The following ARHGAP6 variants were observed in gnomAD, a reference collection of about 807,000 sequenced individuals.
ARHGAP6 encodes rho GTPase-activating protein 6.
A neutral mutation model predicts 55.7 loss-of-function variants in ARHGAP6; 16 were observed. The observed-to-expected ratio is 0.29, with a 90% CI of 0.19 to 0.44. The LOEUF (loss-of-function observed/expected upper bound fraction) is 0.44. Ranked by LOEUF, ARHGAP6 falls within the 20% of genes least tolerant of loss-of-function variation. The probability of loss-of-function intolerance (pLI) is 1.00; values close to 1 mark genes in which losing one functional copy is unlikely to be tolerated. For missense variants in ARHGAP6, 698 were observed against 808.9 expected (o/e 0.86, Z 1.66); for synonymous variants, 382 against 360.9 (o/e 1.06, Z -0.66).
At chrX:11,487,148 G>A (rs1008312556) in intron 1 of ARHGAP6, among the ~76,000 whole-genome samples, 9 of 112,422 alleles carry the variant, frequency 8.0e-5, no homozygotes, top group African/African-American at 2.9e-4. Flanking sequence ...GATAGATACA[G>A]AAGTAAATAC....
chrX:11,543,518 A>C (rs966504771), intron 1 of ARHGAP6, among the ~76,000 whole-genome samples: 1 of 112,147 alleles, frequency 8.9e-6, no homozygotes, highest in Non-Finnish European at 1.9e-5. Context: ...CACCACAAAG[A>C]ATTATCCAGT....
At chrX:11,656,355 T>C (rs766736989) in intron 1 of ARHGAP6, among the ~76,000 whole-genome samples, 17 of 112,355 alleles carry the variant, frequency 1.5e-4, no homozygotes, top group Admixed American at 4.7e-4. Context: ...CCAGACCTGT[T>C]TATGCCTTGT....
intron 1 of ARHGAP6, among the ~76,000 whole-genome samples, chrX:11,276,582 T>G (rs891052928): frequency 1.6e-4 from 18 of 111,731 alleles, no homozygotes; most frequent in Non-Finnish European, 9.4e-5. Flanking sequence ...AAAGGGAAAA[T>G]TGAAAAGGGA....
At chrX:11,215,370 C>A (rs2046866377) in intron 2 of ARHGAP6, among the ~76,000 whole-genome samples, 3 of 112,852 alleles carry the variant, frequency 2.7e-5, no homozygotes, top group African/African-American at 9.6e-5. Context: ...CGCGAGGATC[C>A]CCCAGAGGCC....
intron 1 of ARHGAP6, among the ~76,000 whole-genome samples, chrX:11,574,062 C>T (rs2051565715): frequency 1.8e-5 from 2 of 111,399 alleles, no homozygotes; most frequent in South Asian, 7.6e-4. Flanking sequence ...ATAACAGGAT[C>T]TGAAATTGTG....
At chrX:11,241,497 C>T (rs1398646437) in intron 2 of ARHGAP6, among the ~76,000 whole-genome samples, 1 of 108,574 alleles carries the variant, frequency 9.2e-6, no homozygotes, top group African/African-American at 3.4e-5. Context: ...TATTCAAGCC[C>T]AAACTGGTCC....
At chrX:11,605,110 G>A (rs1440230910) in intron 1 of ARHGAP6, among the ~76,000 whole-genome samples, 2 of 111,728 alleles carry the variant, frequency 1.8e-5, no homozygotes, top group Non-Finnish European at 3.8e-5. Flanking sequence ...ACAGAGGGAG[G>A]AGATAAGAGT....
chrX:11,315,169 G>A (rs1327874187), intron 1 of ARHGAP6, among the ~76,000 whole-genome samples: 2 of 112,451 alleles, frequency 1.8e-5, no homozygotes, highest in African/African-American at 3.2e-5. Context: ...CCATAGCTTC[G>A]CTATGTTTTA....
chrX:11,588,046 T>C (rs1723257606), intron 1 of ARHGAP6, among the ~76,000 whole-genome samples: 1 of 112,131 alleles, frequency 8.9e-6, no homozygotes, highest in Admixed American at 9.5e-5. Flanking sequence ...AGAAATATGC[T>C]TTTTACAGAT....
chrX:11,303,612 A>G (rs1414919706), intron 1 of ARHGAP6, among the ~76,000 whole-genome samples: 2 of 112,148 alleles, frequency 1.8e-5, no homozygotes, highest in African/African-American at 3.2e-5. Context: ...GAACGATATT[A>G]AAATCTCAAT....
chrX:11,510,179 C>T (rs1442326459), intron 1 of ARHGAP6, among the ~76,000 whole-genome samples: 1 of 111,722 alleles, frequency 9.0e-6, no homozygotes. Flanking sequence ...GAGAAGTACT[C>T]ATAGGAAGTT....
At chrX:11,416,881 G>A (rs1312178188) in intron 1 of ARHGAP6, among the ~76,000 whole-genome samples, 2 of 107,726 alleles carry the variant, frequency 1.9e-5, no homozygotes, top group East Asian at 2.9e-4. Context: ...TGGATGTGCC[G>A]TTAGAACAGC....
At chrX:11,519,417 G>C (rs1192921082) in intron 1 of ARHGAP6, among the ~76,000 whole-genome samples, 1 of 108,886 alleles carries the variant, frequency 9.2e-6, no homozygotes, top group Non-Finnish European at 1.9e-5. Flanking sequence ...GTGTTTTTTG[G>C]CTGCATAAAT....
intron 2 of ARHGAP6, among the ~76,000 whole-genome samples, chrX:11,205,217 T>C (rs1448570579): frequency 9.0e-6 from 1 of 111,158 alleles, no homozygotes; most frequent in Non-Finnish European, 1.9e-5. Context: ...TTTCAGTTAC[T>C]CTCCATTATC....
intron 1 of ARHGAP6, among the ~76,000 whole-genome samples, chrX:11,294,303 T>G (rs1175775730): frequency 8.9e-6 from 1 of 112,253 alleles, no homozygotes; most frequent in African/African-American, 3.2e-5. Flanking sequence ...TCTCAAATGA[T>G]TAGTCCTTGT....
intron 1 of ARHGAP6, among the ~76,000 whole-genome samples, chrX:11,457,954 A>C (rs962271023): frequency 1.1e-3 from 124 of 112,194 alleles, no homozygotes; most frequent in African/African-American, 3.9e-3. Context: ...ACCTGAACTC[A>C]ATTCCTGGTC....
chrX:11,568,101 G>A (rs904962036), intron 1 of ARHGAP6, among the ~76,000 whole-genome samples: 1 of 111,339 alleles, frequency 9.0e-6, no homozygotes, highest in African/African-American at 3.3e-5. Context: ...AATGCTAAGG[G>A]GACATGAGAA....
intron 1 of ARHGAP6, among the ~76,000 whole-genome samples, chrX:11,445,372 G>A (rs2050083002): frequency 9.0e-6 from 1 of 111,671 alleles, no homozygotes. Context: ...ACCACATGGG[G>A]GCCAGATAAT....
chrX:11,149,055 G>A (rs1397605065), intron 10 of ARHGAP6, among the ~76,000 whole-genome samples: 1 of 111,937 alleles, frequency 8.9e-6, no homozygotes, highest in East Asian at 2.8e-4. Context: ...AACTGACATG[G>A]CTCTAAACTC....
Sources: gnomAD v4.1 joint callset for allele counts (sites outside exome capture counted in the v4.1 genomes callset) on GRCh38, gnomAD v4.1.1 for gene constraint, MANE v1.5 for transcripts, NCBI Gene and HGNC (gene_info 2026-07-23, HGNC 2026-07-21) for gene names.